Variants in ADGRD1 observed in about 807,000 individuals in gnomAD.
ADGRD1 encodes the protein adhesion G protein-coupled receptor D1.
Under a neutral mutation model 113.4 loss-of-function variants are expected in ADGRD1, and 77 were observed. That is an observed-to-expected ratio of 0.68 (90% CI 0.57 to 0.82). ADGRD1 has a LOEUF of 0.82. ADGRD1 is among the 40% of genes least tolerant of loss of function. The pLI is 0.00. For missense variants in ADGRD1, 1,036 were observed against 1,139.1 expected (o/e 0.91, Z 1.30); for synonymous variants, 474 against 475.0 (o/e 1.00, Z 0.03).
At chr12:131,132,751 G>A (rs1211037717) in intron 21 of ADGRD1, among the ~76,000 whole-genome samples, 1 of 152,204 alleles carries the variant, frequency 6.6e-6, no homozygotes, top group African/African-American at 2.4e-5. Flanking sequence ...ATATGACCGT[G>A]TGACTGTTCA....
intron 13 of ADGRD1, among the ~76,000 whole-genome samples, chr12:131,037,210 G>A (rs1399460337): frequency 1.0e-5 from 1 of 99,050 alleles, no homozygotes; most frequent in African/African-American, 4.6e-5. Context: ...ACTACACCAG[G>A]TCTCACTCAC....
At chr12:130,992,945 C>T (rs955390982) in intron 8 of ADGRD1, among the ~76,000 whole-genome samples, 2 of 152,080 alleles carry the variant, frequency 1.3e-5, no homozygotes, top group African/African-American at 4.8e-5. Context: ...TGTTTTAGGG[C>T]TAGGGCTTAT....
chr12:130,995,726 A>G (rs1030847322), intron 8 of ADGRD1, among the ~76,000 whole-genome samples: 1 of 137,964 alleles, frequency 7.2e-6, no homozygotes, highest in Non-Finnish European at 1.6e-5. Flanking sequence ...ATGGGCAGTG[A>G]ACTGAAATCT....
chr12:131,083,588 C>G (rs551717055), intron 14 of ADGRD1, among the ~76,000 whole-genome samples: 1 of 152,172 alleles, frequency 6.6e-6, no homozygotes, highest in East Asian at 1.9e-4. Flanking sequence ...GCCTGCGAAA[C>G]AGATTGAGAC....
chr12:131,124,614 C>T (rs980266475), intron 20 of ADGRD1, among the ~76,000 whole-genome samples: 5 of 152,156 alleles, frequency 3.3e-5, no homozygotes, highest in Non-Finnish European at 5.9e-5. Flanking sequence ...CAGAGCCTAG[C>T]CACTTCCAGT....
At position 131,003,330 on chromosome 12, in the gene ADGRD1, C is replaced by A; in HGVS notation, c.1144+28C>A. 1 of 1,488,392 alleles carries A rather than the reference C, an allele frequency of 6.7e-7. No homozygotes were observed. The highest frequency in any genetic ancestry group is 9.4e-7 in the Non-Finnish European group (1 of 1,067,236). 92.2% of individuals were successfully genotyped at this position (1,488,392 alleles called of 1,614,324 possible). A position where few individuals can be genotyped will look rare whatever the true frequency, so the allele number is the denominator to read the frequency against. ...AGCTGTCGCTTGTAAGGGTGAGCCA[C>A]ATGGCAGGGGCGGGGGCTGGAGGCT... is the stretch of plus-strand genomic sequence containing the variant. On this transcript the variant is annotated intron_variant, in intron 10 of 24. Transcript: ENST00000261654. The surrounding 1 kb of genome is among the most constrained non-coding windows in gnomAD (Gnocchi z 4.8).
rs570501595 is a variant in ADGRD1 at position 131,106,330 on chromosome 12, C to T, written c.1887+465C>T. ...AAACAGTTGTGCCACCTCTGTTCAG[C>T]GAAGCAGACCTGCAGACCTAGATGC... On this transcript the variant is annotated intron_variant, in intron 17 of 24. Transcript: ENST00000261654. 9.2e-5 allele frequency among the ~76,000 whole-genome samples: 14 copies of T among 152,336 alleles called. No individual in the cohort carries two copies. In the East Asian group the frequency reaches 1.2e-3, roughly 13 times the overall value.
intron 13 of ADGRD1, among the ~76,000 whole-genome samples, chr12:131,040,086 C>T (rs1251839385): frequency 6.6e-6 from 1 of 152,210 alleles, no homozygotes; most frequent in Non-Finnish European, 1.5e-5. Flanking sequence ...CCTGTAGGAG[C>T]CTGAGTTTGA....
chr12:130,994,982 G>A (rs1875040349), intron 8 of ADGRD1, among the ~76,000 whole-genome samples: 1 of 152,182 alleles, frequency 6.6e-6, no homozygotes. Context: ...GTGGCCCACC[G>A]CCTGCCTGGC....
chr12:131,092,532 G>A (rs2137257902), intron 15 of ADGRD1, among the ~76,000 whole-genome samples: 1 of 152,088 alleles, frequency 6.6e-6, no homozygotes, highest in East Asian at 2.0e-4. Context: ...CCGCCACGGT[G>A]CGCTCTTTCT....
At chr12:131,134,915 A>C (rs1219407049) in intron 21 of ADGRD1, among the ~76,000 whole-genome samples, 1 of 152,262 alleles carries the variant, frequency 6.6e-6, no homozygotes, top group African/African-American at 2.4e-5. Context: ...TAAGGAACCC[A>C]CAGTCTATGA....
At chr12:130,998,827 A>T (rs954110064) in intron 8 of ADGRD1, among the ~76,000 whole-genome samples, 1 of 152,158 alleles carries the variant, frequency 6.6e-6, no homozygotes. Flanking sequence ...TGGACGGGAA[A>T]ATGGCAAGGG....
At chr12:131,109,327 T>C (rs1377717265) in intron 18 of ADGRD1, among the ~76,000 whole-genome samples, 1 of 152,210 alleles carries the variant, frequency 6.6e-6, no homozygotes, top group Non-Finnish European at 1.5e-5. Context: ...TCTTTTCCAG[T>C]GTGTCGAAGT....
At chr12:131,061,257 A>G (rs1327439679) in intron 13 of ADGRD1, among the ~76,000 whole-genome samples, 1 of 152,056 alleles carries the variant, frequency 6.6e-6, no homozygotes, top group Non-Finnish European at 1.5e-5. Context: ...GGGAGGAGGG[A>G]CCACAACCCA....
intron 17 of ADGRD1, 39 bp from the exon 18 acceptor site, chr12:131,108,685 C>T: frequency 1.9e-6 from 3 of 1,613,952 alleles, no homozygotes; most frequent in Non-Finnish European, 2.5e-6. Context: ...AGGGCCCACC[C>T]CAGAGCTGTC....
At chr12:130,976,086 G>A (rs1452348851) in intron 4 of ADGRD1, among the ~76,000 whole-genome samples, 2 of 152,214 alleles carry the variant, frequency 1.3e-5, no homozygotes, top group African/African-American at 2.4e-5. Context: ...TCAGCTTTGA[G>A]TTGACTTTTT....
intron 13 of ADGRD1, chr12:131,070,898 T>A (rs759981748): frequency 1.9e-6 from 1 of 518,992 alleles, no homozygotes; most frequent in Non-Finnish European, 3.8e-6. Flanking sequence ...CGGGTGAGTC[T>A]GCCATCCAGG....
chr12:131,064,465 G>C (rs149566260), intron 13 of ADGRD1, among the ~76,000 whole-genome samples: 7 of 152,256 alleles, frequency 4.6e-5, no homozygotes, highest in Admixed American at 3.9e-4. Flanking sequence ...TTCAAGTATT[G>C]AGTCAGCCTT....
At chr12:130,976,018 G>A (rs555541368) in intron 4 of ADGRD1, among the ~76,000 whole-genome samples, 10 of 152,298 alleles carry the variant, frequency 6.6e-5, no homozygotes, top group South Asian at 2.1e-4. Flanking sequence ...ACCCCAGAGA[G>A]GCTGCTGAGG....
Sources: gnomAD v4.1 joint callset for allele counts (sites outside exome capture counted in the v4.1 genomes callset) on GRCh38, gnomAD v4.1.1 for gene constraint, Gnocchi (gnomAD v3.1) non-coding constraint, MANE v1.5 for transcripts, NCBI Gene and HGNC (gene_info 2026-07-23, HGNC 2026-07-21) for gene names.